The following PTK2 variants were observed in gnomAD, a reference collection of about 807,000 sequenced individuals.
PTK2 encodes the protein protein tyrosine kinase 2.
Under a neutral mutation model 150.1 loss-of-function variants are expected in PTK2, and 45 were observed. The observed-to-expected ratio is 0.30, with a 90% CI of 0.24 to 0.38. PTK2 has a LOEUF of 0.38. Ranked by LOEUF, PTK2 falls within the 10% of genes least tolerant of loss-of-function variation. The pLI, the probability that PTK2 is intolerant of heterozygous loss-of-function variation, is 1.00. For synonymous variants in PTK2, 432 were observed against 449.2 expected, an observed-to-expected ratio of 0.96 and a Z score of 0.48; for missense variants, 919 against 1,307.3, an observed-to-expected ratio of 0.70 and a Z score of 4.58.
chr8:140,836,764 G>A (rs57408766), intron 7 of PTK2, among the ~76,000 whole-genome samples: 2,598 of 152,046 alleles, frequency 0.017, 60 homozygotes, highest in African/African-American at 0.058. Context: ...TACATTCCCC[G>A]CACAACAGAA....
intron 27 of PTK2, among the ~76,000 whole-genome samples, chr8:140,683,086 T>C (rs2100017958): frequency 2.0e-5 from 3 of 151,440 alleles, no homozygotes; most frequent in Admixed American, 2.0e-4. Flanking sequence ...AAAGAATACA[T>C]AAGAATGACT....
intron 2 of PTK2, among the ~76,000 whole-genome samples, chr8:140,917,871 A>G (rs2100165923): frequency 6.6e-6 from 1 of 152,224 alleles, no homozygotes; most frequent in African/African-American, 2.4e-5. Context: ...GGGACACTAG[A>G]GAAAACTTGG....
chr8:140,964,546 A>C (rs895291115), intron 1 of PTK2, among the ~76,000 whole-genome samples: 5 of 122,950 alleles, frequency 4.1e-5, no homozygotes, highest in African/African-American at 6.4e-5. Context: ...AGCCCCAGGT[A>C]ATTTTTTTTT....
chr8:140,973,512 A>G (rs1388638651), intron 1 of PTK2, among the ~76,000 whole-genome samples: 3 of 152,138 alleles, frequency 2.0e-5, no homozygotes, highest in Admixed American at 2.0e-4. Context: ...AAAAAAAAAA[A>G]GCAGCAGAAA....
At chr8:140,971,358 T>C (rs1187568395) in intron 1 of PTK2, among the ~76,000 whole-genome samples, 1 of 152,232 alleles carries the variant, frequency 6.6e-6, no homozygotes, top group Non-Finnish European at 1.5e-5. Flanking sequence ...CACAGTGAAC[T>C]TCATTAGCTC....
chr8:140,843,241 A>T (rs1356990969), intron 7 of PTK2, among the ~76,000 whole-genome samples: 4 of 152,088 alleles, frequency 2.6e-5, no homozygotes, highest in Non-Finnish European at 4.4e-5. Context: ...TCACTAATTC[A>T]CCTTGACAGA....
intron 4 of PTK2, among the ~76,000 whole-genome samples, chr8:140,878,175 T>C (rs1046411038): frequency 1.3e-5 from 2 of 152,262 alleles, no homozygotes; most frequent in African/African-American, 4.8e-5. Flanking sequence ...CTCTAGCCAT[T>C]GATGTGAACC....
intron 2 of PTK2, among the ~76,000 whole-genome samples, chr8:140,916,939 C>A (rs774940367): frequency 2.4e-4 from 36 of 152,152 alleles, no homozygotes; most frequent in Non-Finnish European, 4.9e-4. Flanking sequence ...AGAGAGCTTA[C>A]AAACATTTGT....
intron 1 of PTK2, among the ~76,000 whole-genome samples, chr8:140,936,437 T>G (rs1242977857): frequency 1.3e-5 from 2 of 152,050 alleles, no homozygotes; most frequent in Admixed American, 1.3e-4. Context: ...TAAAAGACAC[T>G]TCAACTAAAA....
chr8:140,734,796 T>C (rs1565320355), intron 22 of PTK2: 1 of 513,648 alleles, frequency 1.9e-6, no homozygotes, highest in Non-Finnish European at 3.9e-6. Context: ...GAAAACTGAA[T>C]AAAAGTTTAT....
chr8:140,829,104 C>G (rs2100113725), intron 8 of PTK2, among the ~76,000 whole-genome samples: 1 of 152,200 alleles, frequency 6.6e-6, no homozygotes, highest in South Asian at 2.1e-4. Context: ...CTTGAATGAA[C>G]ACTGAAAAAG....
At chr8:140,739,559 C>A (rs148388031) in intron 20 of PTK2, among the ~76,000 whole-genome samples, 3 of 152,320 alleles carry the variant, frequency 2.0e-5, no homozygotes, top group African/African-American at 2.4e-5. Flanking sequence ...AAACACAGAA[C>A]CCCTGCTCTC....
intron 20 of PTK2, among the ~76,000 whole-genome samples, chr8:140,740,535 T>C (rs564248099): frequency 3.0e-4 from 46 of 152,312 alleles, no homozygotes; most frequent in Middle Eastern, 3.4e-3. Flanking sequence ...CTCTAACCTT[T>C]TGGAGTTTGT....
Position 140,809,718 on chromosome 8 carries a change from A to G in PTK2, c.868-6068T>C, listed in dbSNP as rs143127166. ...CTACTTGGGAGACTGAGGCAGGAGA[A>G]CTGCTTGAGCCCAGATGGCAGAGGT... is the stretch of plus-strand genomic sequence containing the variant. On this transcript the variant is annotated intron_variant, in intron 10 of 31. Coordinates refer to ENST00000522684, the Ensembl canonical transcript of PTK2. 2.6e-3 allele frequency among the ~76,000 whole-genome samples: 391 copies of G among 152,280 alleles called. 2 individuals carry two copies. The highest frequency in any genetic ancestry group is 8.3e-3 in the African/African-American group (343 of 41,546).
At chr8:140,787,854 G>A (rs1475448616) in intron 14 of PTK2, among the ~76,000 whole-genome samples, 1 of 152,168 alleles carries the variant, frequency 6.6e-6, no homozygotes, top group African/African-American at 2.4e-5. Flanking sequence ...GGACCAAAGG[G>A]CCTGCGAGTT....
chr8:140,752,225 CACTT>C lies in PTK2; in HGVS notation c.1417+3_1417+6del. 6.2e-7 allele frequency: 1 copy of C among 1,608,612 alleles called. No homozygotes were observed. Among genetic ancestry groups the C allele is most frequent in the Non-Finnish European group, 8.5e-7 (1 of 1,175,506 alleles). ...ATGGAGTTCCACAGAAATTTCTAGA[CACTT>C]ACAGGCTTCTTGAAGAAATTTCTCT... On this transcript the variant is annotated splice_donor_5th_base_variant and intron_variant, in intron 17 of 31. Coordinates refer to ENST00000522684, the Ensembl canonical transcript of PTK2.
chr8:140,931,247 G>A (rs895185610), intron 1 of PTK2, among the ~76,000 whole-genome samples: 3 of 152,174 alleles, frequency 2.0e-5, no homozygotes, highest in East Asian at 3.9e-4. Context: ...TTCTGGAGGT[G>A]TTCCATGCAT....
rs558769625 is a variant in PTK2 at position 140,930,821 on chromosome 8, C to G, written c.-121-5072G>C. 3.9e-5 allele frequency among the ~76,000 whole-genome samples: 6 copies of G among 152,188 alleles called. No individual in the cohort carries two copies. The South Asian group carries it at 1.2e-3, about 32-fold the overall frequency. ...AGGAGCAGTGACTCACATCTGTAAT[C>G]CCAGCACTTTGAGAGGCTGAGGTGG... On this transcript the variant is annotated intron_variant, in intron 1 of 31. Transcript: ENST00000522684.
At chr8:140,928,885 C>G (rs1313596578) in intron 1 of PTK2, among the ~76,000 whole-genome samples, 1 of 150,004 alleles carries the variant, frequency 6.7e-6, no homozygotes, top group East Asian at 1.9e-4. Flanking sequence ...CTTAATACTA[C>G]TGGAACAGTA....
Sources: gnomAD v4.1 joint callset for allele counts (sites outside exome capture counted in the v4.1 genomes callset) on GRCh38, gnomAD v4.1.1 for gene constraint, MANE v1.5 for transcripts, NCBI Gene and HGNC (gene_info 2026-07-23, HGNC 2026-07-21) for gene names.